The following OCM2 variants were observed in gnomAD, a reference collection of about 807,000 sequenced individuals.
The protein encoded by OCM2 is oncomodulin-2.
OCM2 carries 6 observed loss-of-function variants against 13.6 expected under a neutral mutation model. That is an observed-to-expected ratio of 0.44 (90% CI 0.24 to 0.87). The LOEUF (loss-of-function observed/expected upper bound fraction) is 0.87, where lower values mean the gene tolerates loss of function less well. Among genes scored for constraint, OCM2 ranks in the 40% least tolerant of loss-of-function variants. The pLI, the probability that OCM2 is intolerant of heterozygous loss-of-function variation, is 0.22. For synonymous variants in OCM2, 40 were observed against 50.7 expected, an observed-to-expected ratio of 0.79 and a Z score of 0.90; for missense variants, 118 against 136.8, an observed-to-expected ratio of 0.86 and a Z score of 0.68.
intron 3 of OCM2, among the ~76,000 whole-genome samples, 179 bp downstream of exon 3, chr7:97,986,868 G>A (rs964898377): frequency 6.6e-6 from 1 of 152,028 alleles, no homozygotes; most frequent in African/African-American, 2.4e-5. Context: ...TTATGCCAGG[G>A]TTTTTACACA....
intron 2 of OCM2, among the ~76,000 whole-genome samples, chr7:97,987,483 C>T (rs1794684274): frequency 6.6e-6 from 1 of 151,494 alleles, no homozygotes; most frequent in Non-Finnish European, 1.5e-5. Flanking sequence ...GTAGCTGGGA[C>T]TAAAGGTGCA....
At chr7:97,988,366 AG>A in intron 2 of OCM2, 49 bp downstream of exon 2, 1 of 1,610,322 alleles carries the variant, frequency 6.2e-7, no homozygotes, top group Non-Finnish European at 8.5e-7. Context: ...ACTGCACCCC[AG>A]GCCCACCCAG....
At chr7:97,988,806 C>A (rs1056725170) in intron 1 of OCM2, among the ~76,000 whole-genome samples, 21 of 152,042 alleles carry the variant, frequency 1.4e-4, no homozygotes, top group African/African-American at 5.1e-4. Context: ...CTCTGTGCCT[C>A]CCCCTCCCCC....
intron 3 of OCM2, among the ~76,000 whole-genome samples, chr7:97,986,570 C>A (rs985335463): frequency 1.3e-5 from 2 of 152,064 alleles, no homozygotes; most frequent in African/African-American, 4.8e-5. Flanking sequence ...TAATATTATC[C>A]CCTTGGCGGG....
intron 3 of OCM2, 127 bp from the exon 4 acceptor site, chr7:97,985,110 C>T (rs1794656918): frequency 2.9e-6 from 2 of 694,108 alleles, no homozygotes; most frequent in South Asian, 1.9e-5. Context: ...GGCATGGCCC[C>T]CTTGGAGGGC....
intron 1 of OCM2, 28 bp downstream of exon 1, chr7:97,990,016 T>TGGCGGC: frequency 1.8e-6 from 2 of 1,083,840 alleles, no homozygotes; most frequent in Non-Finnish European, 2.8e-6. Flanking sequence ...TGTGAGGAAA[T>TGGCGGC]CCCACCCCCG....
chr7:97,985,057 A>C (rs1329186420), intron 3 of OCM2, 74 bp from the exon 4 acceptor site: 1 of 1,604,406 alleles, frequency 6.2e-7, no homozygotes, highest in Admixed American at 1.7e-5. Flanking sequence ...GGCCAGTGAG[A>C]ATTCCAAAGA....
intron 1 of OCM2, among the ~76,000 whole-genome samples, chr7:97,989,297 C>G (rs1184673725): frequency 6.6e-6 from 1 of 152,016 alleles, no homozygotes; most frequent in African/African-American, 2.4e-5. Flanking sequence ...ATCGTGTGCT[C>G]AGATCCCAGA....
At position 97,984,716 on chromosome 7, in the gene OCM2, T is replaced by C. The variant is rs1406234231; in HGVS notation, c.*242A>G. The C allele has an allele frequency of 7.5e-6, 4 of 532,988 alleles. No individual in the cohort carries two copies. The South Asian group carries it at 7.6e-5, about 10-fold the overall frequency. The allele number at this position is 532,988 out of a possible 1,614,324, so 33.0% of individuals were successfully genotyped here. A position where few individuals can be genotyped will look rare whatever the true frequency, so the allele number is the denominator to read the frequency against. ...AAGCCTGTCTTTATTGGGTGATTTT[T>C]AGAGGCATTGCCTGTTGGGGGAAGG... On this transcript the variant is annotated 3_prime_UTR_variant, in exon 4 of 4. Transcript: ENST00000257627.
chr7:97,989,724 T>G (rs1460723226), intron 1 of OCM2, among the ~76,000 whole-genome samples: 1 of 151,702 alleles, frequency 6.6e-6, no homozygotes, highest in Non-Finnish European at 1.5e-5. Flanking sequence ...TTTTTTTTTT[T>G]TTGTAGACAG....
chr7:97,984,778 C>T, exon 4 of OCM2: 1 of 816,624 alleles, frequency 1.2e-6, no homozygotes, highest in Non-Finnish European at 1.9e-6. Flanking sequence ...ATACCCACCA[C>T]CAAGAAAGTC....
At chr7:97,990,083 T>C in exon 1 of OCM2, 1 of 1,400,024 alleles carries the variant, frequency 7.1e-7, no homozygotes, top group Non-Finnish European at 9.6e-7. Flanking sequence ...TCATCAGCAC[T>C]GAGCACGTCC....
intron 2 of OCM2, among the ~76,000 whole-genome samples, chr7:97,987,929 C>T (rs1794688407): frequency 6.6e-6 from 1 of 152,172 alleles, no homozygotes. Flanking sequence ...CGGTGGCTCA[C>T]ACCTGTAATC....
intron 1 of OCM2, among the ~76,000 whole-genome samples, chr7:97,989,733 A>T (rs1376316834): frequency 1.3e-5 from 2 of 148,282 alleles, no homozygotes; most frequent in Non-Finnish European, 3.0e-5. Flanking sequence ...TTTTGTAGAC[A>T]GAGTCTACAA....
exon 4 of OCM2, chr7:97,984,751 A>G: frequency 1.7e-6 from 1 of 578,876 alleles, no homozygotes; most frequent in Non-Finnish European, 3.1e-6. Flanking sequence ...GGGGGCTTAC[A>G]GAAGTTGTCA....
chr7:97,990,016 T>TGGCGCCCCC, intron 1 of OCM2, 28 bp downstream of exon 1: 1 of 1,083,840 alleles, frequency 9.2e-7, no homozygotes, highest in Non-Finnish European at 1.4e-6. Context: ...TGTGAGGAAA[T>TGGCGCCCCC]CCCACCCCCG....
chr7:97,986,430 A>T (rs1490691069), intron 3 of OCM2, among the ~76,000 whole-genome samples: 1 of 152,212 alleles, frequency 6.6e-6, no homozygotes, highest in Non-Finnish European at 1.5e-5. Context: ...GTAGTTAAAA[A>T]GCATGCTAGC....
chr7:97,985,583 C>G (rs1794663176), intron 3 of OCM2, among the ~76,000 whole-genome samples: 1 of 152,148 alleles, frequency 6.6e-6, no homozygotes, highest in Non-Finnish European at 1.5e-5. Flanking sequence ...CTTGTCAAGC[C>G]CATCATTTCT....
chr7:97,988,343 C>A, intron 2 of OCM2, 73 bp downstream of exon 2: 2 of 1,579,164 alleles, frequency 1.3e-6, no homozygotes, highest in Non-Finnish European at 1.7e-6. Flanking sequence ...AAATACTGAG[C>A]AACCTGGCCC....
Sources: allele counts gnomAD v4.1 joint callset (sites outside exome capture counted in the v4.1 genomes callset), GRCh38; gene constraint gnomAD v4.1.1; transcripts MANE v1.5; gene names NCBI Gene and HGNC (gene_info 2026-07-23, HGNC 2026-07-21).